Variants in TLR5 observed in about 807,000 individuals in gnomAD.
TLR5 encodes the protein toll like receptor 5.
For synonymous variants in TLR5, 373 were observed against 384.4 expected (o/e 0.97, Z 0.35); for missense variants, 944 against 999.8 (o/e 0.94, Z 0.75).
intron 5 of TLR5, among the ~76,000 whole-genome samples, chr1:223,114,969 A>G (rs1640840): frequency 0.66 from 100,685 of 152,032 alleles, 34,627 homozygotes; most frequent in African/African-American, 0.85. Context: ...ATCTCTTTGC[A>G]TGGGCCAGAC....
At chr1:223,140,596 G>A (rs5744113) in intron 2 of TLR5, among the ~76,000 whole-genome samples, 86,430 of 151,018 alleles carry the variant, frequency 0.57, 25,454 homozygotes, top group East Asian at 0.75. Context: ...GGGCATCATG[G>A]CTGGGTGAGG....
In TLR5 at chr1:223,119,428, G is replaced by GTT. The variant is rs373039162; in HGVS notation, c.-4-6395_-4-6394dup. Among the ~76,000 whole-genome samples the GTT allele has an allele frequency of 7.6e-3, 1,150 of 152,104 alleles. 5 individuals carry two copies. The highest frequency in any genetic ancestry group is 0.017 in the Middle Eastern group (5 of 294). On this transcript the variant is annotated intron_variant, in intron 5 of 5. Transcript: ENST00000642603. Reference sequence around the variant, plus strand: ...TGTTTAGTTTGGACCTTAATAAAGTGTTATAAACCAAAAATAAAATTCTAA... The same window carrying GTT: ...TGTTTAGTTTGGACCTTAATAAAGTGTTTTATAAACCAAAAATAAAATTCTAA...
At chr1:223,129,809 G>T (rs17163737) in intron 5 of TLR5, among the ~76,000 whole-genome samples, 11,654 of 152,270 alleles carry the variant, frequency 0.077, 677 homozygotes, top group East Asian at 0.24. Context: ...GATTAACACA[G>T]CGGGCTAAAC....
At chr1:223,120,888 C>T (rs1243567298) in intron 5 of TLR5, among the ~76,000 whole-genome samples, 2 of 152,180 alleles carry the variant, frequency 1.3e-5, no homozygotes, top group African/African-American at 4.8e-5. Flanking sequence ...TTAAGACCAG[C>T]CTGGGCAATA....
Position 223,110,220 on chromosome 1 carries a change from A to G in TLR5, c.*235T>C, listed in dbSNP as rs908172093. 5.0e-5 allele frequency: 28 copies of G among 562,082 alleles called. No homozygotes were observed. Among genetic ancestry groups the G allele is most frequent in the Middle Eastern group, 4.8e-4 (1 of 2,068 alleles). The allele number at this position is 562,082 out of a possible 1,614,324, so 34.8% of individuals were successfully genotyped here. On this transcript the variant is annotated 3_prime_UTR_variant, in exon 6 of 6. Coordinates refer to ENST00000642603, the MANE Select transcript of TLR5 (RefSeq NM_003268.6). ...TATTATTGGATCTGAAAGAAAATCA[A>G]TGGAGACTGGAAACCTCTAAGGGCA...
chr1:223,125,814 G>A lies in TLR5; in HGVS notation c.-5+6661C>T, dbSNP rs190922230. ...AAATTACAAATTTAGTTGGTGTGGA[G>A]TGTGGCTTGGGCATCCAGGGTTGTT... is the stretch of plus-strand genomic sequence containing the variant. On this transcript the variant is annotated intron_variant, in intron 5 of 5. Coordinates refer to ENST00000642603, the MANE Select transcript of TLR5 (RefSeq NM_003268.6). Among the ~76,000 whole-genome samples, 25 of 152,328 alleles carry A rather than the reference G, an allele frequency of 1.6e-4. No homozygotes were observed. In the East Asian group the frequency reaches 4.2e-3, roughly 26 times the overall value.
chr1:223,128,503 C>T (rs1657263849), intron 5 of TLR5: 1 of 152,226 alleles, frequency 6.6e-6, no homozygotes, highest in Non-Finnish European at 1.5e-5. Context: ...GTCCACCTTA[C>T]CCCCAGAGTC....
At chr1:223,116,612 T>C (rs1239458828) in intron 5 of TLR5, among the ~76,000 whole-genome samples, 4 of 152,194 alleles carry the variant, frequency 2.6e-5, no homozygotes, top group Non-Finnish European at 4.4e-5. Context: ...CTGCCACTGC[T>C]GGCCGCCGCA....
intron 5 of TLR5, among the ~76,000 whole-genome samples, chr1:223,124,457 AAAG>A (rs1157357672): frequency 6.6e-6 from 1 of 150,384 alleles, no homozygotes; most frequent in African/African-American, 2.4e-5. Context: ...CAAAAAAAAA[AAAG>A]AAAAAGAAAA....
intron 5 of TLR5, chr1:223,123,980 C>G (rs1657052959): frequency 6.6e-6 from 1 of 152,208 alleles, no homozygotes; most frequent in South Asian, 2.1e-4. Flanking sequence ...TAAAAGGATG[C>G]TAAAAAGCAA....
intron 5 of TLR5, among the ~76,000 whole-genome samples, chr1:223,123,151 G>T (rs1286267462): frequency 9.2e-5 from 14 of 152,204 alleles, no homozygotes; most frequent in African/African-American, 2.9e-4. Flanking sequence ...TTTTGCAGCT[G>T]CTATTTTATC....
At chr1:223,121,662 G>T (rs972435868) in intron 5 of TLR5, among the ~76,000 whole-genome samples, 1 of 152,152 alleles carries the variant, frequency 6.6e-6, no homozygotes. Context: ...GGGACCACAG[G>T]TGCATACCAC....
At chr1:223,137,471 A>C (rs552163892) in intron 2 of TLR5, among the ~76,000 whole-genome samples, 1 of 152,204 alleles carries the variant, frequency 6.6e-6, no homozygotes, top group Non-Finnish European at 1.5e-5. Flanking sequence ...GCACAGTAAA[A>C]GAGAAAATGC....
At chr1:223,125,881 C>T (rs1657146356) in intron 5 of TLR5, among the ~76,000 whole-genome samples, 1 of 152,164 alleles carries the variant, frequency 6.6e-6, no homozygotes, top group African/African-American at 2.4e-5. Context: ...GTCTGATCAC[C>T]TGGTCTTCTG....
At chr1:223,137,426 C>T (rs139835225) in intron 2 of TLR5, 163 bp from the exon 3 acceptor site, 1 of 152,174 alleles carries the variant, frequency 6.6e-6, no homozygotes, top group African/African-American at 2.4e-5. Flanking sequence ...TATGCATTTG[C>T]TATTATTGCT....
rs5744173 is a variant in TLR5 at position 223,111,239 on chromosome 1, T to G, written c.1793A>C (p.Asn598Thr). The G allele has an allele frequency of 5.0e-6, 8 of 1,614,076 alleles. No individual in the cohort carries two copies. The highest frequency in any genetic ancestry group is 2.7e-5 in the African/African-American group (2 of 74,930). The change falls in exon 6 of 6, where the codon AAT becomes ACT. Residue 598 changes from asparagine to threonine, a missense_variant. Physicochemically the swap from Asn to Thr is moderately conservative, Grantham distance 65. Coordinates refer to ENST00000642603, the MANE Select transcript of TLR5 (RefSeq NM_003268.6). ...TGCAGGAGGCCCAGCTATAGTGACATTGGTGTGATTAAGCCAATTGATAAA... is the reference window on the plus strand; with the variant it reads ...TGCAGGAGGCCCAGCTATAGTGACAGTGGTGTGATTAAGCCAATTGATAAA... Reference protein sequence around the residue: ...STFINWLNHTNVTIAGPPADI... With the variant: ...STFINWLNHTTVTIAGPPADI...
chr1:223,112,613 T>C lies in TLR5; in HGVS notation c.419A>G (p.Tyr140Cys), dbSNP rs1229604131. ...AGTTAAAGCCTTTAAATTTCTGAAATAACCATCTTTCAATACAGCATCAGA... is the reference window on the plus strand; with the variant it reads ...AGTTAAAGCCTTTAAATTTCTGAAACAACCATCTTTCAATACAGCATCAGA... ...GLSDAVLKDG[Y>C]FRNLKALTRL... Residue 140 changes from tyrosine to cysteine, a missense_variant, in exon 6 of 6, where the codon TAT becomes TGT. Physicochemically the swap from Tyr to Cys is radical, Grantham distance 194. Transcript: ENST00000642603. 1 of 1,614,210 alleles carries C rather than the reference T, an allele frequency of 6.2e-7. No individual in the cohort carries two copies. The highest frequency in any genetic ancestry group is 8.5e-7 in the Non-Finnish European group (1 of 1,180,038).
chr1:223,116,391 G>T (rs549687014), intron 5 of TLR5, among the ~76,000 whole-genome samples: 51 of 152,166 alleles, frequency 3.4e-4, no homozygotes, highest in Non-Finnish European at 1.5e-4. Flanking sequence ...AAGGTGGCGC[G>T]TCTGGAGTTG....
At chr1:223,114,145 A>G (rs1197075219) in intron 5 of TLR5, among the ~76,000 whole-genome samples, 2 of 152,220 alleles carry the variant, frequency 1.3e-5, no homozygotes, top group African/African-American at 4.8e-5. Context: ...GACAATAAAC[A>G]GAGACTGGCC....
Sources: allele counts gnomAD v4.1 joint callset (sites outside exome capture counted in the v4.1 genomes callset), GRCh38; gene constraint gnomAD v4.1.1; transcripts MANE v1.5; gene names NCBI Gene and HGNC (gene_info 2026-07-23, HGNC 2026-07-21).